The following NRXN1 variants were observed in gnomAD, a reference collection of about 807,000 sequenced individuals.
NRXN1 encodes neurexin-1.
Under a neutral mutation model 150.9 loss-of-function variants are expected in NRXN1, and 39 were observed. That is an observed-to-expected ratio of 0.26 (90% confidence interval 0.20 to 0.34). NRXN1 has a LOEUF of 0.34. Ranked by LOEUF, NRXN1 falls within the 10% of genes least tolerant of loss-of-function variation. The pLI, the probability that NRXN1 is intolerant of heterozygous loss-of-function variation, is 1.00. For synonymous variants in NRXN1, 924 were observed against 757.0 expected (o/e 1.22, Z -3.62); for missense variants, 1,815 against 1,949.9 (o/e 0.93, Z 1.30).
At chr2:50,234,252 G>A (rs1371479290) in intron 18 of NRXN1, among the ~76,000 whole-genome samples, 1 of 152,058 alleles carries the variant, frequency 6.6e-6, no homozygotes, top group African/African-American at 2.4e-5. Flanking sequence ...CCAGTACTTT[G>A]GGAGGCAGAA....
chr2:50,783,905 T>G (rs942229896), intron 5 of NRXN1, among the ~76,000 whole-genome samples: 24 of 152,132 alleles, frequency 1.6e-4, no homozygotes, highest in Non-Finnish European at 3.2e-4. Context: ...TTCCTGACCC[T>G]GCGCTTATAC....
intron 8 of NRXN1, among the ~76,000 whole-genome samples, chr2:50,585,063 C>T (rs886983293): frequency 6.6e-6 from 1 of 152,056 alleles, no homozygotes; most frequent in African/African-American, 2.4e-5. Flanking sequence ...ACATACCTCA[C>T]CCTCTTCCCA....
chr2:49,947,514 C>CTT (rs199991365), intron 21 of NRXN1, among the ~76,000 whole-genome samples: 48 of 109,004 alleles, frequency 4.4e-4, no homozygotes, highest in Admixed American at 6.2e-4. Flanking sequence ...TTTTTTTTTT[C>CTT]TTTTTTTTTT....
chr2:50,184,646 T>C (rs528478261), intron 18 of NRXN1, among the ~76,000 whole-genome samples: 2 of 152,016 alleles, frequency 1.3e-5, no homozygotes, highest in Non-Finnish European at 2.9e-5. Flanking sequence ...ATTTCAAAAT[T>C]CATGACCTTG....
chr2:50,178,185 G>C (rs1409368374), intron 18 of NRXN1, among the ~76,000 whole-genome samples: 1 of 152,054 alleles, frequency 6.6e-6, no homozygotes, highest in Non-Finnish European at 1.5e-5. Flanking sequence ...AAATCGATAT[G>C]AGCTGCAATT....
At chr2:49,950,073 A>G (rs916232112) in intron 21 of NRXN1, among the ~76,000 whole-genome samples, 1 of 151,960 alleles carries the variant, frequency 6.6e-6, no homozygotes, top group African/African-American at 2.4e-5. Flanking sequence ...TAACCTATGG[A>G]GCAAGAAGTT....
intron 6 of NRXN1, among the ~76,000 whole-genome samples, chr2:50,622,291 A>C (rs1680165674): frequency 6.6e-6 from 1 of 152,132 alleles, no homozygotes; most frequent in Non-Finnish European, 1.5e-5. Flanking sequence ...GATAGTATAA[A>C]CCTTTCAGAA....
intron 5 of NRXN1, among the ~76,000 whole-genome samples, chr2:50,854,011 C>G (rs1349733429): frequency 6.6e-6 from 1 of 151,980 alleles, no homozygotes. Context: ...GTACAATTTT[C>G]TTAATTTAAA....
intron 18 of NRXN1, among the ~76,000 whole-genome samples, chr2:50,233,968 T>C (rs1354371728): frequency 6.6e-6 from 1 of 152,108 alleles, no homozygotes; most frequent in Non-Finnish European, 1.5e-5. Context: ...AGGCATTATC[T>C]TGTGTTGCTT....
chr2:50,196,960 G>C (rs1416716056), intron 18 of NRXN1, among the ~76,000 whole-genome samples: 1 of 152,070 alleles, frequency 6.6e-6, no homozygotes, highest in East Asian at 1.9e-4. Flanking sequence ...GTCGGGTACT[G>C]GGCTTAACAG....
intron 18 of NRXN1, among the ~76,000 whole-genome samples, chr2:50,188,285 T>C (rs529935965): frequency 9.2e-5 from 14 of 152,282 alleles, no homozygotes; most frequent in African/African-American, 3.1e-4. Context: ...GGATTCCCTA[T>C]TTAGTAAATG....
At chr2:50,150,979 T>C (rs779546665) in intron 18 of NRXN1, among the ~76,000 whole-genome samples, 2 of 151,758 alleles carry the variant, frequency 1.3e-5, no homozygotes, top group African/African-American at 2.4e-5. Context: ...GGATTTTAGA[T>C]GGTATCTTCA....
chr2:50,859,223 C>T (rs1675732439), intron 5 of NRXN1, among the ~76,000 whole-genome samples: 1 of 151,866 alleles, frequency 6.6e-6, no homozygotes, highest in Admixed American at 6.6e-5. Flanking sequence ...TCTCAGCATA[C>T]AGAATACATT....
chr2:50,775,140 T>C (rs531284170), intron 5 of NRXN1, among the ~76,000 whole-genome samples: 45 of 152,288 alleles, frequency 3.0e-4, no homozygotes, highest in Admixed American at 9.8e-4. Flanking sequence ...TCTGATTTAC[T>C]GTGTGGTAAG....
chr2:50,823,570 C>T (rs951290589), intron 5 of NRXN1, among the ~76,000 whole-genome samples: 1 of 151,958 alleles, frequency 6.6e-6, no homozygotes, highest in Non-Finnish European at 1.5e-5. Context: ...ATGTTGTTTC[C>T]TCAACTAGAC....
At chr2:50,372,316 G>A (rs554392721) in intron 17 of NRXN1, among the ~76,000 whole-genome samples, 2 of 152,068 alleles carry the variant, frequency 1.3e-5, no homozygotes, top group African/African-American at 4.8e-5. Context: ...GGGAAATCAT[G>A]GTATTTTACG....
rs79107285 is a variant in NRXN1 at position 50,561,162 on chromosome 2, C to T, written c.1321-8137G>A. On this transcript the variant is annotated intron_variant, in intron 8 of 22. Coordinates refer to ENST00000401669, the MANE Select transcript of NRXN1 (RefSeq NM_001330078.2). The stretch of plus-strand genomic sequence containing the variant: ...GCATTCAGTGAACTGCTTAAAGTTA[C>T]TGAGACAACATTAGGTGCAATCTGT... Among the ~76,000 whole-genome samples the T allele has an allele frequency of 6.4e-3, 969 of 152,302 alleles. 4 individuals carry two copies. The highest frequency in any genetic ancestry group is 0.022 in the African/African-American group (894 of 41,564).
intron 8 of NRXN1, among the ~76,000 whole-genome samples, chr2:50,569,541 T>C (rs1382819825): frequency 6.6e-6 from 1 of 152,160 alleles, no homozygotes; most frequent in Admixed American, 6.6e-5. Flanking sequence ...AACACATATG[T>C]ATGTGTGTAT....
chr2:50,534,884 G>A (rs1046491255), intron 10 of NRXN1, among the ~76,000 whole-genome samples: 1 of 152,018 alleles, frequency 6.6e-6, no homozygotes, highest in Non-Finnish European at 1.5e-5. Flanking sequence ...ACTGACAATG[G>A]ATCATAAATA....
Sources: allele counts gnomAD v4.1 joint callset (sites outside exome capture counted in the v4.1 genomes callset), GRCh38; gene constraint gnomAD v4.1.1; transcripts MANE v1.5; gene names NCBI Gene and HGNC (gene_info 2026-07-23, HGNC 2026-07-21).